AGAP1: variants seen among roughly 807,000 people sequenced by gnomAD.
AGAP1 encodes arf-GAP with GTPase, ANK repeat and PH domain-containing protein 1.
Under a neutral mutation model 105.3 loss-of-function variants are expected in AGAP1, and 29 were observed. The observed-to-expected ratio is 0.28, with a 90% CI of 0.21 to 0.38. AGAP1 has a LOEUF of 0.38. Among genes scored for constraint, AGAP1 ranks in the 10% least tolerant of loss-of-function variants. AGAP1 has a pLI of 1.00. For synonymous variants in AGAP1, 509 were observed against 485.9 expected (o/e 1.05, Z -0.63); for missense variants, 998 against 1,165.1 (o/e 0.86, Z 2.09).
At chr2:236,084,903 C>G (rs969812655) in intron 16 of AGAP1, among the ~76,000 whole-genome samples, 4 of 150,944 alleles carry the variant, frequency 2.6e-5, no homozygotes, top group African/African-American at 9.8e-5. Flanking sequence ...GACTCCATCT[C>G]AAAAAAATAA....
Position 235,788,828 on chromosome 2 carries a change from C to T in AGAP1, c.674-8931C>T, listed in dbSNP as rs566087686. 1.3e-5 allele frequency among the ~76,000 whole-genome samples: 2 copies of T among 152,258 alleles called. No homozygotes were observed. The highest frequency in any genetic ancestry group is 2.4e-5 in the African/African-American group (1 of 41,548). On this transcript the variant is annotated intron_variant, in intron 6 of 17. Transcript: ENST00000304032. This position sits in a 1 kb window ranked among gnomAD's most constrained non-coding sequence, Gnocchi z 6.0. ...GTAGACAAAACCAGCTGCGGGGCCA[C>T]ACCACGTTAGGGTGCTTTTCGGCAT...
At chr2:235,650,471 T>C (rs188484095) in intron 1 of AGAP1, among the ~76,000 whole-genome samples, 123 of 152,222 alleles carry the variant, frequency 8.1e-4, no homozygotes, top group Admixed American at 2.3e-3. Flanking sequence ...CTCTGCCCAC[T>C]CACCCATCCA....
At chr2:235,617,525 A>G (rs1946345498) in intron 1 of AGAP1, among the ~76,000 whole-genome samples, 1 of 152,108 alleles carries the variant, frequency 6.6e-6, no homozygotes, top group South Asian at 2.1e-4. Flanking sequence ...AACATGGTGA[A>G]ACTCTGTCTC....
chr2:235,717,473 C>T, intron 2 of AGAP1, 84 bp from the exon 3 acceptor site: 2 of 1,149,656 alleles, frequency 1.7e-6, no homozygotes, highest in Admixed American at 5.4e-5. Context: ...TTTAGGCCTC[C>T]TGTCTATTTT....
intron 15 of AGAP1, 123 bp from the exon 16 acceptor site, chr2:236,048,936 T>G: frequency 1.1e-6 from 1 of 925,586 alleles, no homozygotes; most frequent in Non-Finnish European, 1.6e-6. Context: ...GCATTTTTTC[T>G]CGCCATGGAT....
intron 16 of AGAP1, among the ~76,000 whole-genome samples, chr2:236,057,628 T>TA (rs1346724666): frequency 6.6e-6 from 1 of 151,884 alleles, no homozygotes; most frequent in African/African-American, 2.4e-5. Flanking sequence ...TTTGGGAATA[T>TA]AAAGCCTGTA....
rs772335896 is a variant in AGAP1 at position 236,040,822 on chromosome 2, T to C, written c.1872T>C (p.Cys624=). ...GGAACATGCGCGGGAACTCCCACTG[T>C]GTGGACTGCGAGACCCAGAGTAAGT... The part of the protein sequence containing the change: ...SIRNMRGNSH[C]VDCETQNPNW... Residue 624 remains cysteine (C), a synonymous_variant, in exon 15 of 18, where the codon TGT becomes TGC. Coordinates refer to ENST00000304032, the MANE Select transcript of AGAP1 (RefSeq NM_001037131.3). The surrounding 1 kb of genome is among the most constrained non-coding windows in gnomAD (Gnocchi z 5.6). 3 of 1,614,014 alleles carry C rather than the reference T, an allele frequency of 1.9e-6. No homozygotes were observed. The African/African-American group carries it at 4.0e-5, about 22-fold the overall frequency.
At position 235,977,922 on chromosome 2, in the gene AGAP1, G is replaced by T. The variant is rs951949139; in HGVS notation, c.1645+9299G>T. Among the ~76,000 whole-genome samples the T allele has an allele frequency of 2.0e-5, 3 of 152,138 alleles. No homozygotes were observed. The highest frequency in any genetic ancestry group is 2.9e-5 in the Non-Finnish European group (2 of 68,032). On this transcript the variant is annotated intron_variant, in intron 13 of 17. Coordinates refer to ENST00000304032, the MANE Select transcript of AGAP1 (RefSeq NM_001037131.3). The surrounding 1 kb of genome is among the most constrained non-coding windows in gnomAD (Gnocchi z 5.2). ...AAACTCATTTATCATGGTTCTGAAGGCTGCAAAGTCCAAGATCACGGCACC... is the reference window on the plus strand; with the variant it reads ...AAACTCATTTATCATGGTTCTGAAGTCTGCAAAGTCCAAGATCACGGCACC...
At position 235,883,019 on chromosome 2, in the gene AGAP1, A is replaced by G. The variant is rs2106627925; in HGVS notation, c.1051-326A>G. On this transcript the variant is annotated intron_variant, in intron 9 of 17. Transcript: ENST00000304032. The surrounding 1 kb of genome is among the most constrained non-coding windows in gnomAD (Gnocchi z 4.5). ...TTATTTTTTTAGAGATGGGGGTGTC[A>G]GCATCTTACCCAGGCTGGTCTCGAA... is the stretch of plus-strand genomic sequence containing the variant. 6.6e-6 allele frequency among the ~76,000 whole-genome samples: 1 copy of G among 152,004 alleles called. No homozygotes were observed. Among genetic ancestry groups the G allele is most frequent in the East Asian group, 1.9e-4 (1 of 5,164 alleles).
At position 235,801,702 on chromosome 2, in the gene AGAP1, C is replaced by T. The variant is rs1199160629; in HGVS notation, c.957+2180C>T. 6.6e-6 allele frequency among the ~76,000 whole-genome samples: 1 copy of T among 152,098 alleles called. No individual in the cohort carries two copies. The highest frequency in any genetic ancestry group is 1.5e-5 in the Non-Finnish European group (1 of 68,012). On this transcript the variant is annotated intron_variant, in intron 8 of 17. Transcript: ENST00000304032. The surrounding 1 kb of genome is among the most constrained non-coding windows in gnomAD (Gnocchi z 6.0). ...TGCAGCTGGATTGAGAGAAGGTGGG[C>T]TGTGGGCAGGCGGCCTGTGCCCCGG...
intron 1 of AGAP1, among the ~76,000 whole-genome samples, chr2:235,706,071 G>A (rs1044133625): frequency 2.0e-5 from 3 of 152,114 alleles, no homozygotes; most frequent in African/African-American, 7.2e-5. Flanking sequence ...GGTGCCAGAA[G>A]GTAACAATGA....
chr2:235,874,775 C>T lies in AGAP1; in HGVS notation c.1051-8570C>T, dbSNP rs998760365. Among the ~76,000 whole-genome samples the T allele has an allele frequency of 1.3e-5, 2 of 152,196 alleles. No homozygotes were observed. Among genetic ancestry groups the T allele is most frequent in the African/African-American group, 4.8e-5 (2 of 41,448 alleles). The stretch of plus-strand genomic sequence containing the variant: ...TGTATAGAACTCATTACAAAGATAG[C>T]ATTACTCCTAGAACCAAGATACCAT... On this transcript the variant is annotated intron_variant, in intron 9 of 17. Coordinates refer to ENST00000304032, the MANE Select transcript of AGAP1 (RefSeq NM_001037131.3). This position sits in a 1 kb window ranked among gnomAD's most constrained non-coding sequence, Gnocchi z 4.5.
chr2:235,766,889 G>T lies in AGAP1; in HGVS notation c.673+16401G>T, dbSNP rs112482480. ...CCCGAGTAGCTGGGATTATATGTGCGTGCCACCACACCGGCTAATTTTTTT... is the reference window on the plus strand; with the variant it reads ...CCCGAGTAGCTGGGATTATATGTGCTTGCCACCACACCGGCTAATTTTTTT... On this transcript the variant is annotated intron_variant, in intron 6 of 17. Coordinates refer to ENST00000304032, the MANE Select transcript of AGAP1 (RefSeq NM_001037131.3). Among the ~76,000 whole-genome samples the T allele has an allele frequency of 2.0e-5, 3 of 149,994 alleles. No homozygotes were observed. The Admixed American group carries it at 2.0e-4, about 10-fold the overall frequency.
chr2:235,912,337 T>C (rs989199678), intron 11 of AGAP1, among the ~76,000 whole-genome samples: 5 of 152,218 alleles, frequency 3.3e-5, no homozygotes, highest in Non-Finnish European at 5.9e-5. Context: ...AAATTCAATC[T>C]GAAATAAATT....
At chr2:236,023,598 G>T (rs1241551956) in intron 13 of AGAP1, among the ~76,000 whole-genome samples, 1 of 152,132 alleles carries the variant, frequency 6.6e-6, no homozygotes, top group Non-Finnish European at 1.5e-5. Context: ...GGAGAAGATG[G>T]TTATTTTCTG....
chr2:235,793,550 C>T lies in AGAP1; in HGVS notation c.674-4209C>T, dbSNP rs190266583. On this transcript the variant is annotated intron_variant, in intron 6 of 17. Coordinates refer to ENST00000304032, the MANE Select transcript of AGAP1 (RefSeq NM_001037131.3). This position sits in a 1 kb window ranked among gnomAD's most constrained non-coding sequence, Gnocchi z 5.3. The stretch of plus-strand genomic sequence containing the variant: ...CCGTCGGATTGCTCTGGTGCACTTG[C>T]TGCCTGGTTTTTCTCACCTGCAAAA... 2.0e-5 allele frequency among the ~76,000 whole-genome samples: 3 copies of T among 152,242 alleles called. No individual in the cohort carries two copies. The highest frequency in any genetic ancestry group is 2.9e-5 in the Non-Finnish European group (2 of 68,018).
At chr2:235,593,012 G>A (rs1473591151) in intron 1 of AGAP1, among the ~76,000 whole-genome samples, 1 of 152,188 alleles carries the variant, frequency 6.6e-6, no homozygotes, top group East Asian at 1.9e-4. Flanking sequence ...TCTGAAATGA[G>A]CGTTAGGTGA....
chr2:235,997,790 A>G (rs1018674153), intron 13 of AGAP1, among the ~76,000 whole-genome samples: 1 of 152,130 alleles, frequency 6.6e-6, no homozygotes, highest in South Asian at 2.1e-4. Flanking sequence ...TGCCCTCTTA[A>G]TTGTATAGTA....
chr2:236,068,258 A>T lies in AGAP1; in HGVS notation c.2114+18977A>T, dbSNP rs558498100. On this transcript the variant is annotated intron_variant, in intron 16 of 17. Transcript: ENST00000304032. ...TACACTCCAGCCTGGGCAACAGAGC[A>T]AGACTCCATCTCAAAAAAACAAAAA... Among the ~76,000 whole-genome samples, 5 of 151,586 alleles carry T rather than the reference A, an allele frequency of 3.3e-5. No individual in the cohort carries two copies. The South Asian group carries it at 1.0e-3, about 32-fold the overall frequency.
Sources: gnomAD v4.1 joint callset for allele counts (sites outside exome capture counted in the v4.1 genomes callset) on GRCh38, gnomAD v4.1.1 for gene constraint, Gnocchi (gnomAD v3.1) non-coding constraint, MANE v1.5 for transcripts, NCBI Gene and HGNC (gene_info 2026-07-23, HGNC 2026-07-21) for gene names.